MDGA2: variants seen among roughly 807,000 people sequenced by gnomAD.
MDGA2 encodes the protein MAM domain-containing glycosylphosphatidylinositol anchor protein 2.
A neutral mutation model predicts 117.8 loss-of-function variants in MDGA2; 40 were observed. That is an observed-to-expected ratio of 0.34 (90% CI 0.26 to 0.44). The LOEUF (loss-of-function observed/expected upper bound fraction) is 0.44. Among genes scored for constraint, MDGA2 ranks in the 20% least tolerant of loss-of-function variants. MDGA2 has a pLI of 1.00. For missense variants in MDGA2, 1,123 were observed against 1,250.6 expected, an observed-to-expected ratio of 0.90 and a Z score of 1.54; for synonymous variants, 452 against 439.0, an observed-to-expected ratio of 1.03 and a Z score of -0.37.
intron 8 of MDGA2, among the ~76,000 whole-genome samples, chr14:46,978,865 T>C (rs1463019448): frequency 6.6e-6 from 1 of 152,154 alleles, no homozygotes; most frequent in African/African-American, 2.4e-5. Flanking sequence ...AAAAAGGTCA[T>C]TTCATAGACT....
intron 1 of MDGA2, among the ~76,000 whole-genome samples, chr14:47,363,413 A>C (rs4898565): frequency 0.32 from 48,818 of 151,818 alleles, 8,540 homozygotes; most frequent in Admixed American, 0.51. Context: ...ACACACCAAC[A>C]TACCCGGCTA....
intron 1 of MDGA2, among the ~76,000 whole-genome samples, chr14:47,388,440 CT>C (rs1891809189): frequency 6.6e-6 from 1 of 152,170 alleles, no homozygotes; most frequent in East Asian, 1.9e-4. Flanking sequence ...CTTCCTTCTG[CT>C]TTTGTGCATT....
At chr14:47,564,470 A>C (rs926805243) in intron 1 of MDGA2, among the ~76,000 whole-genome samples, 1 of 152,192 alleles carries the variant, frequency 6.6e-6, no homozygotes, top group Non-Finnish European at 1.5e-5. Context: ...AAGAGAGCCA[A>C]GCAAAAGGGG....
intron 1 of MDGA2, among the ~76,000 whole-genome samples, chr14:47,547,500 C>G (rs10483565): frequency 4.6e-5 from 7 of 152,000 alleles, no homozygotes; most frequent in African/African-American, 1.7e-4. Flanking sequence ...TTGGTCTGAA[C>G]GGAATACAAA....
At chr14:47,035,992 T>C (rs1369716982) in intron 7 of MDGA2, among the ~76,000 whole-genome samples, 1 of 152,000 alleles carries the variant, frequency 6.6e-6, no homozygotes, top group Non-Finnish European at 1.5e-5. Flanking sequence ...AATTTTGGTC[T>C]TGCGCGGTGG....
chr14:47,582,299 A>G (rs1329879999), intron 1 of MDGA2, among the ~76,000 whole-genome samples: 1 of 151,944 alleles, frequency 6.6e-6, no homozygotes, highest in African/African-American at 2.4e-5. Context: ...ATGGACCTCT[A>G]TATTTCATTC....
At chr14:47,137,724 G>A (rs1244213793) in intron 4 of MDGA2, among the ~76,000 whole-genome samples, 2 of 151,908 alleles carry the variant, frequency 1.3e-5, no homozygotes, top group Non-Finnish European at 2.9e-5. Context: ...ACAAAACACA[G>A]AACACAATAA....
intron 3 of MDGA2, among the ~76,000 whole-genome samples, chr14:47,158,370 GT>G (rs1883493089): frequency 1.3e-5 from 2 of 150,118 alleles, no homozygotes; most frequent in East Asian, 3.9e-4. Context: ...GTGGGTGTGT[GT>G]GTGTGTGTGT....
intron 8 of MDGA2, among the ~76,000 whole-genome samples, chr14:47,000,386 T>A (rs1347484035): frequency 5.1e-4 from 27 of 52,714 alleles, no homozygotes; most frequent in South Asian, 2.0e-3. Context: ...TTTATATATA[T>A]ATATTTATAT....
intron 1 of MDGA2, among the ~76,000 whole-genome samples, chr14:47,440,853 T>G (rs1487695748): frequency 2.0e-5 from 3 of 152,118 alleles, no homozygotes; most frequent in Admixed American, 2.0e-4. Context: ...AAAAAAAATT[T>G]ACTTCTCTTA....
intron 8 of MDGA2, among the ~76,000 whole-genome samples, chr14:47,004,129 T>A (rs1178467420): frequency 6.6e-6 from 1 of 151,844 alleles, no homozygotes; most frequent in African/African-American, 2.4e-5. Context: ...TAAAAATAGA[T>A]AAAATTTGAA....
intron 1 of MDGA2, among the ~76,000 whole-genome samples, chr14:47,372,820 C>A (rs2138396309): frequency 6.6e-6 from 1 of 151,896 alleles, no homozygotes; most frequent in East Asian, 1.9e-4. Context: ...TTTGACTATC[C>A]AATGATAGGC....
At chr14:47,105,017 T>G (rs1272278582) in intron 5 of MDGA2, among the ~76,000 whole-genome samples, 3 of 152,186 alleles carry the variant, frequency 2.0e-5, no homozygotes, top group Admixed American at 2.0e-4. Flanking sequence ...GTCACGGACT[T>G]GGAAGGCAGC....
intron 1 of MDGA2, among the ~76,000 whole-genome samples, chr14:47,380,509 C>T (rs1042320701): frequency 5.3e-5 from 8 of 151,214 alleles, no homozygotes; most frequent in Non-Finnish European, 7.4e-5. Flanking sequence ...ATCAAATAGA[C>T]GCAATAAAAA....
intron 1 of MDGA2, among the ~76,000 whole-genome samples, chr14:47,606,015 C>T (rs1274320894): frequency 6.6e-6 from 1 of 152,254 alleles, no homozygotes; most frequent in Non-Finnish European, 1.5e-5. Context: ...CTAATGGTGC[C>T]TGTTGCCCAA....
At chr14:47,433,231 A>G (rs1291307447) in intron 1 of MDGA2, among the ~76,000 whole-genome samples, 1 of 152,108 alleles carries the variant, frequency 6.6e-6, no homozygotes, top group Non-Finnish European at 1.5e-5. Flanking sequence ...ACTATTAGAC[A>G]TAGAAACCTT....
At chr14:47,005,151 T>G (rs1209896001) in intron 8 of MDGA2, among the ~76,000 whole-genome samples, 2 of 151,674 alleles carry the variant, frequency 1.3e-5, no homozygotes, top group East Asian at 3.9e-4. Context: ...ATAGAAATAA[T>G]AAGGGAAGAC....
In MDGA2 at chr14:47,013,038, A is replaced by G. The variant is rs527830467; in HGVS notation, c.1819+21973T>C. ...TGATGTTGATGGTTGCTGACTGATC[A>G]GGATGGTGGTTGTTAACCACCACCG... On this transcript the variant is annotated intron_variant, in intron 8 of 16. Transcript: ENST00000399232. 1.9e-3 allele frequency among the ~76,000 whole-genome samples: 286 copies of G among 152,298 alleles called. 1 individual carries two copies. Among genetic ancestry groups the G allele is most frequent in the African/African-American group, 6.4e-3 (264 of 41,572 alleles).
intron 3 of MDGA2, chr14:47,200,529 CTTTTCTTTTTT>C (rs1310389271): frequency 3.4e-6 from 2 of 585,992 alleles, no homozygotes; most frequent in South Asian, 3.5e-5. Context: ...TTTTCTTTTT[CTTTTCTTTTTT>C]TTTTTTTTTG....
Sources: gnomAD v4.1 joint callset for allele counts (sites outside exome capture counted in the v4.1 genomes callset) on GRCh38, gnomAD v4.1.1 for gene constraint, MANE v1.5 for transcripts, NCBI Gene and HGNC (gene_info 2026-07-23, HGNC 2026-07-21) for gene names.